Variants in NDUFS6 observed in about 807,000 individuals in gnomAD.
NDUFS6 encodes the protein NADH:ubiquinone oxidoreductase subunit S6, also known as NADH dehydrogenase [ubiquinone] iron-sulfur protein 6, mitochondrial.
NDUFS6 carries 14 observed loss-of-function variants against 13.2 expected under a neutral mutation model. The ratio of observed to expected loss-of-function variants is 1.06; its 90% CI spans 0.70 to 1.66. The LOEUF (loss-of-function observed/expected upper bound fraction) is 1.66. NDUFS6 is among the 40% of genes most tolerant of loss of function. NDUFS6 has a pLI of 0.00. For synonymous variants in NDUFS6, 95 were observed against 72.3 expected, an observed-to-expected ratio of 1.31 and a Z score of -1.60; for missense variants, 206 against 170.8, an observed-to-expected ratio of 1.21 and a Z score of -1.15.
chr5:1,807,621 G>A (rs932168367), intron 2 of NDUFS6, among the ~76,000 whole-genome samples: 1 of 152,184 alleles, frequency 6.6e-6, no homozygotes, highest in Admixed American at 6.5e-5. Flanking sequence ...GGCCCACGCG[G>A]CACCTCCAGA....
intron 2 of NDUFS6, among the ~76,000 whole-genome samples, chr5:1,805,977 A>T (rs1218463006): frequency 6.6e-6 from 1 of 150,752 alleles, no homozygotes; most frequent in Non-Finnish European, 1.5e-5. Flanking sequence ...AGATGAGGAA[A>T]GGCTTGGAGC....
At chr5:1,806,259 C>T (rs1416388108) in intron 2 of NDUFS6, among the ~76,000 whole-genome samples, 5 of 152,342 alleles carry the variant, frequency 3.3e-5, no homozygotes, top group African/African-American at 1.2e-4. Flanking sequence ...CTGGGGGCTT[C>T]AGCTTGTGCC....
At chr5:1,813,478 G>C (rs1263887304) in intron 2 of NDUFS6, among the ~76,000 whole-genome samples, 1 of 152,188 alleles carries the variant, frequency 6.6e-6, no homozygotes, top group Non-Finnish European at 1.5e-5. Flanking sequence ...GTAAATCAGT[G>C]AATATGTAGG....
At chr5:1,811,419 A>G (rs1734218007) in intron 2 of NDUFS6, among the ~76,000 whole-genome samples, 1 of 152,238 alleles carries the variant, frequency 6.6e-6, no homozygotes, top group Non-Finnish European at 1.5e-5. Flanking sequence ...CACCTTAAAA[A>G]TTATACTTTC....
intron 2 of NDUFS6, among the ~76,000 whole-genome samples, chr5:1,813,106 G>A (rs572736377): frequency 6.6e-6 from 1 of 152,174 alleles, no homozygotes; most frequent in Non-Finnish European, 1.5e-5. Context: ...GAGTCACACT[G>A]ATCCTTCCAA....
In NDUFS6 at chr5:1,805,212, C is replaced by T. The variant is rs112233419; in HGVS notation, c.186+2838C>T. Among the ~76,000 whole-genome samples the T allele has an allele frequency of 4.5e-3, 692 of 152,182 alleles. 5 individuals are homozygous for T. The highest frequency in any genetic ancestry group is 0.015 in the African/African-American group (637 of 41,512). On this transcript the variant is annotated intron_variant, in intron 2 of 3. Coordinates refer to ENST00000274137, the MANE Select transcript of NDUFS6 (RefSeq NM_004553.6). ...CTAGCATGGTGGCACATGCCTGTAGCTCAAGCAACGTGGGAGGCTGAGGTG... is the reference window on the plus strand; with the variant it reads ...CTAGCATGGTGGCACATGCCTGTAGTTCAAGCAACGTGGGAGGCTGAGGTG...
chr5:1,804,332 T>G (rs1471135837), intron 2 of NDUFS6, among the ~76,000 whole-genome samples: 1 of 152,260 alleles, frequency 6.6e-6, no homozygotes, highest in Non-Finnish European at 1.5e-5. Context: ...AGCTTCTGGT[T>G]TCTGGTTGGT....
chr5:1,805,131 GACC>G (rs1385822576), intron 2 of NDUFS6, among the ~76,000 whole-genome samples: 1 of 152,194 alleles, frequency 6.6e-6, no homozygotes, highest in African/African-American at 2.4e-5. Flanking sequence ...AGGCGTTCAA[GACC>G]AGCCTGGGCA....
chr5:1,804,446 G>A (rs958198859), intron 2 of NDUFS6, among the ~76,000 whole-genome samples: 1 of 152,256 alleles, frequency 6.6e-6, no homozygotes. Context: ...TCTGTGACCG[G>A]CAGCTCACCC....
chr5:1,809,274 C>T (rs1037251097), intron 2 of NDUFS6, among the ~76,000 whole-genome samples: 8 of 152,206 alleles, frequency 5.3e-5, no homozygotes, highest in Admixed American at 2.6e-4. Flanking sequence ...GCTGCTGTGA[C>T]GGTTCTCCCT....
rs563777635 is a variant in NDUFS6, at chr5:1,809,667, G to T, written c.187-4672G>T. Among the ~76,000 whole-genome samples, 5 of 152,342 alleles carry T rather than the reference G, an allele frequency of 3.3e-5. No homozygotes were observed. In the East Asian group the frequency reaches 9.6e-4, roughly 29 times the overall value. On this transcript the variant is annotated intron_variant, in intron 2 of 3. Transcript: ENST00000274137. ...CGGTCTCTTTGACTGCCGTGATCGGGGCCTGGCAGTTTGTTAGTGCGGCCT... is the reference window on the plus strand; with the variant it reads ...CGGTCTCTTTGACTGCCGTGATCGGTGCCTGGCAGTTTGTTAGTGCGGCCT...
Position 1,814,619 on chromosome 5 carries a change from C to T in NDUFS6, c.309+158C>T, listed in dbSNP as rs139346586. 6.0e-4 allele frequency: 667 copies of T among 1,110,092 alleles called. 3 individuals carry two copies. In the African/African-American group the frequency reaches 9.3e-3, roughly 16 times the overall value. 68.8% of individuals were successfully genotyped at this position (1,110,092 alleles called of 1,614,324 possible). ...CTGGCACATTCACCCTACAGCGCCA[C>T]ACTACAGGGCCTACATAGAGCCGCC... On this transcript the variant is annotated intron_variant, in intron 3 of 3. Coordinates refer to ENST00000274137, the MANE Select transcript of NDUFS6 (RefSeq NM_004553.6). The surrounding 1 kb of genome is among the most constrained non-coding windows in gnomAD (Gnocchi z 4.9).
At chr5:1,810,716 G>C (rs1734205268) in intron 2 of NDUFS6, among the ~76,000 whole-genome samples, 1 of 152,140 alleles carries the variant, frequency 6.6e-6, no homozygotes, top group Admixed American at 6.5e-5. Flanking sequence ...GTCTGGCTCA[G>C]CTCCTCTAAT....
intron 2 of NDUFS6, among the ~76,000 whole-genome samples, chr5:1,811,490 TAC>T (rs1339257891): frequency 6.6e-6 from 1 of 152,268 alleles, no homozygotes; most frequent in East Asian, 1.9e-4. Flanking sequence ...TTAAAAATGT[TAC>T]AGTGTGACTC....
chr5:1,801,628 C>A (rs920851700), intron 1 of NDUFS6, 79 bp downstream of exon 1: 58 of 1,506,660 alleles, frequency 3.8e-5, no homozygotes, highest in Non-Finnish European at 4.6e-5. Flanking sequence ...CGCCGGGCAT[C>A]CGCGGCCCTG....
At chr5:1,807,122 G>GAGGTACTGCGTGAGGTACTCAT (rs1734136888) in intron 2 of NDUFS6, among the ~76,000 whole-genome samples, 1 of 151,318 alleles carries the variant, frequency 6.6e-6, no homozygotes, top group Non-Finnish European at 1.5e-5. Flanking sequence ...GAGGTACTCA[G>GAGGTACTGCGTGAGGTACTCAT]AGGTACTGCG....
Position 1,803,616 on chromosome 5 carries a change from G to T in NDUFS6, c.186+1242G>T, listed in dbSNP as rs193218359. 3.3e-5 allele frequency among the ~76,000 whole-genome samples: 5 copies of T among 152,364 alleles called. No individual in the cohort carries two copies. In the East Asian group the frequency reaches 9.6e-4, roughly 29 times the overall value. ...AGTCTCCAGTGATATCACACTGTCA[G>T]TTGTCGAGTAAGTGGTGTATAGGGT... On this transcript the variant is annotated intron_variant, in intron 2 of 3. Coordinates refer to ENST00000274137, the MANE Select transcript of NDUFS6 (RefSeq NM_004553.6).
chr5:1,809,310 G>A (rs1219081542), intron 2 of NDUFS6, among the ~76,000 whole-genome samples: 28 of 152,182 alleles, frequency 1.8e-4, no homozygotes, highest in Admixed American at 1.8e-3. Flanking sequence ...GTGCAGCAGC[G>A]CTCTTCAGTT....
At chr5:1,813,397 T>G (rs909363146) in intron 2 of NDUFS6, among the ~76,000 whole-genome samples, 1 of 152,214 alleles carries the variant, frequency 6.6e-6, no homozygotes, top group Non-Finnish European at 1.5e-5. Flanking sequence ...AGTCTAACGA[T>G]CGTGCTCGCG....
Sources: gnomAD v4.1 joint callset for allele counts (sites outside exome capture counted in the v4.1 genomes callset) on GRCh38, gnomAD v4.1.1 for gene constraint, Gnocchi (gnomAD v3.1) non-coding constraint, MANE v1.5 for transcripts, NCBI Gene and HGNC (gene_info 2026-07-23, HGNC 2026-07-21) for gene names.